CLN6: variants seen among roughly 807,000 people sequenced by gnomAD.
CLN6 encodes the protein CLN6 transmembrane ER protein.
In CLN6, 22 loss-of-function variants were observed where a neutral mutation model predicts 33.3. The observed-to-expected ratio is 0.66, with a 90% CI of 0.47 to 0.94. The LOEUF (loss-of-function observed/expected upper bound fraction) is 0.94, where lower values mean the gene tolerates loss of function less well. CLN6 is among the 40% of genes least tolerant of loss of function. CLN6 has a pLI of 0.00. For synonymous variants in CLN6, 201 were observed against 174.6 expected, an observed-to-expected ratio of 1.15 and a Z score of -1.19; for missense variants, 387 against 417.1, an observed-to-expected ratio of 0.93 and a Z score of 0.63.
Position 68,229,543 on chromosome 15 carries a change from G to GCCCGTCGCT in CLN6, c.33_41dup (p.Ala12_Gly14dup). Reference sequence around the variant, plus strand: ...AGGCGCCCAGCTGCGCGCCTGGGCCGCCCGTCGCTCCCAGGTGCTGCCGCC... The same window carrying GCCCGTCGCT: ...AGGCGCCCAGCTGCGCGCCTGGGCCGCCCGTCGCTCCCGTCGCTCCCAGGTGCTGCCGCC... On this transcript the variant is annotated inframe_insertion, in exon 1 of 7. Coordinates refer to ENST00000249806, the MANE Select transcript of CLN6 (RefSeq NM_017882.3). The GCCCGTCGCT allele has an allele frequency of 4.8e-6, 7 of 1,468,108 alleles. No individual in the cohort carries two copies. Among genetic ancestry groups the GCCCGTCGCT allele is most frequent in the Non-Finnish European group, 6.3e-6 (7 of 1,114,860 alleles). 90.9% of individuals were successfully genotyped at this position (1,468,108 alleles called of 1,614,324 possible).
chr15:68,219,332 C>T lies in CLN6; in HGVS notation c.84-682G>A, dbSNP rs1476594777. Among the ~76,000 whole-genome samples, 4 of 152,178 alleles carry T rather than the reference C, an allele frequency of 2.6e-5. No homozygotes were observed. The East Asian group carries it at 5.8e-4, about 22-fold the overall frequency. Reference sequence around the variant, plus strand: ...TTTAGAGAGACTGAAATGGATAGGGCCTCCTGCTCGCTTGATTCCAGCACT... The same window carrying T: ...TTTAGAGAGACTGAAATGGATAGGGTCTCCTGCTCGCTTGATTCCAGCACT... On this transcript the variant is annotated intron_variant, in intron 1 of 6. Coordinates refer to ENST00000249806, the MANE Select transcript of CLN6 (RefSeq NM_017882.3). This position sits in a 1 kb window ranked among gnomAD's most constrained non-coding sequence, Gnocchi z 4.2.
intron 1 of CLN6, among the ~76,000 whole-genome samples, chr15:68,255,945 C>T: frequency 6.6e-6 from 1 of 152,002 alleles, no homozygotes; most frequent in African/African-American, 2.4e-5. Flanking sequence ...AGGTGCGGGC[C>T]ACCATGCCTG....
At position 68,210,055 on chromosome 15, in the gene CLN6, T is replaced by G. The variant is rs2093200443; in HGVS notation, c.543-296A>C. Among the ~76,000 whole-genome samples the G allele has an allele frequency of 6.6e-6, 1 of 152,072 alleles. No homozygotes were observed. Among genetic ancestry groups the G allele is most frequent in the African/African-American group, 2.4e-5 (1 of 41,414 alleles). Reference sequence around the variant, plus strand: ...AGGGGTGTCTGGGGGGTTGTCTGTCTCATGCACCGCAGACACCAGCAGCCC... The same window carrying G: ...AGGGGTGTCTGGGGGGTTGTCTGTCGCATGCACCGCAGACACCAGCAGCCC... On this transcript the variant is annotated intron_variant, in intron 5 of 6. Coordinates refer to ENST00000249806, the MANE Select transcript of CLN6 (RefSeq NM_017882.3). The surrounding 1 kb of genome is among the most constrained non-coding windows in gnomAD (Gnocchi z 5.6).
rs1431805332 is a variant in CLN6 at position 68,210,768 on chromosome 15, A to G, written c.542+495T>C. Among the ~76,000 whole-genome samples the G allele has an allele frequency of 1.3e-5, 2 of 151,788 alleles. No individual in the cohort carries two copies. The highest frequency in any genetic ancestry group is 2.9e-5 in the Non-Finnish European group (2 of 67,918). On this transcript the variant is annotated intron_variant, in intron 5 of 6. Transcript: ENST00000249806. The surrounding 1 kb of genome is among the most constrained non-coding windows in gnomAD (Gnocchi z 5.6). ...CCTCTGGGAGTTCTGAAGAGGGGGGAGCGCAAACAGCACGCCCCTCCCCAG... is the reference window on the plus strand; with the variant it reads ...CCTCTGGGAGTTCTGAAGAGGGGGGGGCGCAAACAGCACGCCCCTCCCCAG...
chr15:68,216,289 G>A (rs1302346182), intron 2 of CLN6, among the ~76,000 whole-genome samples: 1 of 152,168 alleles, frequency 6.6e-6, no homozygotes, highest in Non-Finnish European at 1.5e-5. Flanking sequence ...GCTAGAAGAA[G>A]GTTCAGAGCA....
At chr15:68,229,028 A>G (rs1307058390) in intron 1 of CLN6, among the ~76,000 whole-genome samples, 1 of 152,110 alleles carries the variant, frequency 6.6e-6, no homozygotes, top group Non-Finnish European at 1.5e-5. Flanking sequence ...GGTCAAGCAG[A>G]CAGCCTCCTG....
chr15:68,223,977 C>G lies in CLN6; in HGVS notation c.84-5327G>C, dbSNP rs184818596. 4.0e-4 allele frequency among the ~76,000 whole-genome samples: 60 copies of G among 150,884 alleles called. No homozygotes were observed. The East Asian group carries it at 0.011, about 28-fold the overall frequency. On this transcript the variant is annotated intron_variant, in intron 1 of 6. Transcript: ENST00000249806. ...AGGACAATCACTTAAACCTGGGAGG[C>G]GGAGGTTGCAGTGAGCCAGGATCAC...
At position 68,228,024 on chromosome 15, in the gene CLN6, G is replaced by C. The variant is rs546542362; in HGVS notation, c.83+1478C>G. On this transcript the variant is annotated intron_variant, in intron 1 of 6. Coordinates refer to ENST00000249806, the MANE Select transcript of CLN6 (RefSeq NM_017882.3). The surrounding 1 kb of genome is among the most constrained non-coding windows in gnomAD (Gnocchi z 4.4). Reference sequence around the variant, plus strand: ...AGATGAAACCACTGGACACGGCGTGGGGCAGACAGCCCGGGGACTCAGCCA... The same window carrying C: ...AGATGAAACCACTGGACACGGCGTGCGGCAGACAGCCCGGGGACTCAGCCA... Among the ~76,000 whole-genome samples the C allele has an allele frequency of 2.6e-5, 4 of 152,286 alleles. No individual in the cohort carries two copies. The South Asian group carries it at 8.3e-4, about 32-fold the overall frequency.
At position 68,246,893 on chromosome 15, in the gene CLN6, T is replaced by C. The variant is rs926413758; in HGVS notation, c.179+9797A>G. Among the ~76,000 whole-genome samples, 3 of 152,096 alleles carry C rather than the reference T, an allele frequency of 2.0e-5. No homozygotes were observed. Among genetic ancestry groups the C allele is most frequent in the African/African-American group, 4.8e-5 (2 of 41,388 alleles). On this transcript the variant is annotated intron_variant, in intron 1 of 6. Transcript: ENST00000538696. The surrounding 1 kb of genome is among the most constrained non-coding windows in gnomAD (Gnocchi z 4.5). ...AAAATGGGCTGGGCACGGTGGCTCA[T>C]GACTGTAATCCTAGCACTTTGGGAG...
rs776693553 is a variant in CLN6 at position 68,208,118 on chromosome 15, G to A, written c.*22C>T. ...GGCCCACCCTCCCACCCAGCAGAGC[G>A]CCAGAGCCTGGTGCCAGGGACTCAG... On this transcript the variant is annotated 3_prime_UTR_variant, in exon 7 of 7. Coordinates refer to ENST00000249806, the MANE Select transcript of CLN6 (RefSeq NM_017882.3). This position sits in a 1 kb window ranked among gnomAD's most constrained non-coding sequence, Gnocchi z 5.8. The A allele has an allele frequency of 1.2e-5, 11 of 942,438 alleles. No individual in the cohort carries two copies. The highest frequency in any genetic ancestry group is 7.6e-5 in the South Asian group (6 of 78,482). 58.4% of individuals were successfully genotyped at this position (942,438 alleles called of 1,614,324 possible).
chr15:68,216,236 T>C (rs1249020612), intron 2 of CLN6, among the ~76,000 whole-genome samples: 1 of 152,104 alleles, frequency 6.6e-6, no homozygotes, highest in African/African-American at 2.4e-5. Flanking sequence ...TAGCACCAGT[T>C]TGATGGGCAG....
intron 2 of CLN6, among the ~76,000 whole-genome samples, chr15:68,217,150 T>C (rs2093222735): frequency 6.6e-6 from 1 of 152,266 alleles, no homozygotes. Context: ...AAACACTTAT[T>C]GTGTTAGGCA....
At chr15:68,225,052 A>G (rs1027064038) in intron 1 of CLN6, among the ~76,000 whole-genome samples, 15 of 152,210 alleles carry the variant, frequency 9.9e-5, no homozygotes, top group Admixed American at 9.8e-4. Flanking sequence ...TGAACAAGTC[A>G]AGCGGTAACC....
intron 1 of CLN6, among the ~76,000 whole-genome samples, chr15:68,251,917 C>G (rs1396751393): frequency 2.8e-5 from 4 of 143,478 alleles, no homozygotes. Flanking sequence ...GTAGAACTGA[C>G]AAAAAGATCT....
intron 1 of CLN6, among the ~76,000 whole-genome samples, chr15:68,237,980 G>A (rs1222770110): frequency 6.6e-6 from 1 of 152,048 alleles, no homozygotes; most frequent in Non-Finnish European, 1.5e-5. Flanking sequence ...AAAATTAGCT[G>A]AGCGTGGTGG....
At chr15:68,216,136 G>A (rs911469814) in intron 2 of CLN6, among the ~76,000 whole-genome samples, 1 of 152,162 alleles carries the variant, frequency 6.6e-6, no homozygotes, top group Middle Eastern at 3.2e-3. Context: ...GAAGTGATTT[G>A]CCCAATAGGA....
At chr15:68,255,263 A>G (rs1892421437) in intron 1 of CLN6, among the ~76,000 whole-genome samples, 1 of 151,114 alleles carries the variant, frequency 6.6e-6, no homozygotes, top group African/African-American at 2.4e-5. Context: ...TCCACCTTTC[A>G]GCATAGATTT....
intron 1 of CLN6, among the ~76,000 whole-genome samples, chr15:68,251,922 A>C (rs1892382983): frequency 6.6e-6 from 1 of 152,048 alleles, no homozygotes; most frequent in African/African-American, 2.4e-5. Context: ...ACTGACAAAA[A>C]GATCTAGCAT....
At position 68,228,780 on chromosome 15, in the gene CLN6, C is replaced by T. The variant is rs1198143108; in HGVS notation, c.83+722G>A. On this transcript the variant is annotated intron_variant, in intron 1 of 6. Transcript: ENST00000249806. The surrounding 1 kb of genome is among the most constrained non-coding windows in gnomAD (Gnocchi z 4.4). ...ACCGTAAGCCTCTCCCACCTTCACC[C>T]TGCCTACCCCCTTACTGCCTGGCAC... 6.6e-6 allele frequency among the ~76,000 whole-genome samples: 1 copy of T among 152,188 alleles called. No individual in the cohort carries two copies. Among genetic ancestry groups the T allele is most frequent in the Non-Finnish European group, 1.5e-5 (1 of 68,044 alleles).
Sources: allele counts gnomAD v4.1 joint callset (sites outside exome capture counted in the v4.1 genomes callset), GRCh38; gene constraint gnomAD v4.1.1; non-coding constraint Gnocchi (gnomAD v3.1); transcripts MANE v1.5; gene names NCBI Gene and HGNC (gene_info 2026-07-23, HGNC 2026-07-21).